SNIP1: variants seen among roughly 807,000 people sequenced by gnomAD.
SNIP1 encodes the protein Smad nuclear interacting protein 1, also known as smad nuclear-interacting protein 1.
A neutral mutation model predicts 37.4 loss-of-function variants in SNIP1; 23 were observed. The observed-to-expected ratio is 0.61, with a 90% confidence interval of 0.44 to 0.87. The LOEUF (loss-of-function observed/expected upper bound fraction) is 0.87, where lower values mean the gene tolerates loss of function less well. Among genes scored for constraint, SNIP1 ranks in the 40% least tolerant of loss-of-function variants. The pLI is 0.00. For missense variants in SNIP1, 459 were observed against 540.4 expected (o/e 0.85, Z 1.49); for synonymous variants, 174 against 200.0 (o/e 0.87, Z 1.10).
rs1193690442 is a variant in SNIP1, at chr1:37,537,094, A to G, written c.*654T>C. 4 of 152,500 alleles carry G rather than the reference A, an allele frequency of 2.6e-5. No homozygotes were observed. The highest frequency in any genetic ancestry group is 5.9e-5 in the Non-Finnish European group (4 of 68,044). The allele number at this position is 152,500 out of a possible 1,614,324, so 9.4% of individuals were successfully genotyped here. A position where few individuals can be genotyped will look rare whatever the true frequency, so the allele number is the denominator to read the frequency against. On this transcript the variant is annotated 3_prime_UTR_variant, in exon 4 of 4. Transcript: ENST00000296215. ...GCTGAATCAGCACCCACTGGTAGCA[A>G]CCAGGATCCTTCTGTACAGTCACGG...
rs1643119197 is a variant in SNIP1 at position 37,537,940 on chromosome 1, T to C, written c.999A>G (p.Ser333=). ...TGTTGTTTAAGAAGGTTCCATTGCC[T>C]GAGCCAAGGTCAATGATGTAGGGCT... is the stretch of plus-strand genomic sequence containing the variant. ...RVKPYIIDLG[S]GNGTFLNNKR... is the part of the protein sequence containing the mutation. The change falls in exon 4 of 4, where the codon TCA becomes TCG. Residue 333 remains serine, a synonymous_variant. Transcript: ENST00000296215. The C allele has an allele frequency of 1.2e-6, 2 of 1,614,116 alleles. No homozygotes were observed. The highest frequency in any genetic ancestry group is 1.7e-6 in the Non-Finnish European group (2 of 1,180,044).
At position 37,537,680 on chromosome 1, in the gene SNIP1, T is replaced by G. The variant is rs1643115058; in HGVS notation, c.*68A>C. On this transcript the variant is annotated 3_prime_UTR_variant, in exon 4 of 4. Coordinates refer to ENST00000296215, the MANE Select transcript of SNIP1 (RefSeq NM_024700.4). ...CATAGTGCTGGACCCACCACCATAG[T>G]GCTCTCTGAGTCAATCAAAGACTTC... The G allele has an allele frequency of 7.1e-6, 11 of 1,538,804 alleles. No homozygotes were observed. The highest frequency in any genetic ancestry group is 9.7e-6 in the Non-Finnish European group (11 of 1,132,844).
rs781551605 is a variant in SNIP1, at chr1:37,540,111, T to C, written c.926+46A>G. The C allele has an allele frequency of 6.8e-7, 1 of 1,479,134 alleles. No homozygotes were observed. Among genetic ancestry groups the C allele is most frequent in the Non-Finnish European group, 9.1e-7 (1 of 1,094,116 alleles). The allele number at this position is 1,479,134 out of a possible 1,614,324, so 91.6% of individuals were successfully genotyped here. A position where few individuals can be genotyped will look rare whatever the true frequency, so the allele number is the denominator to read the frequency against. ...AAAAATCTTAGTAATCCTAACTGAG[T>C]GATTGTTTCTGCTCACATTACAGTT... On this transcript the variant is annotated intron_variant, in intron 3 of 3. Transcript: ENST00000296215. The surrounding 1 kb of genome is among the most constrained non-coding windows in gnomAD (Gnocchi z 5.6).
chr1:37,549,738 T>C (rs951625322), intron 2 of SNIP1, among the ~76,000 whole-genome samples: 2 of 152,150 alleles, frequency 1.3e-5, no homozygotes, highest in Admixed American at 6.5e-5. Context: ...AGAGGCAAGA[T>C]TGTTCTAAAA....
rs771698007 is a variant in SNIP1, at chr1:37,540,313, T to G, written c.770A>C (p.Lys257Thr). 1 of 1,614,104 alleles carries G rather than the reference T, an allele frequency of 6.2e-7. No homozygotes were observed. Among genetic ancestry groups the G allele is most frequent in the Non-Finnish European group, 8.5e-7 (1 of 1,180,032 alleles). The part of the protein sequence containing the change: ...SEPPEARIPK[K>T]RWRLYPFKND... ...TTTAAATGGGTAGAGACGCCACCGT[T>G]TTTTGGGGATACGTGCTTCTGGGGG... is the stretch of plus-strand genomic sequence containing the variant. Residue 257 changes from lysine to threonine, a missense_variant, in exon 3 of 4, where the codon AAA (lysine) becomes ACA (threonine). Coordinates refer to ENST00000296215, the MANE Select transcript of SNIP1 (RefSeq NM_024700.4). This position sits in a 1 kb window ranked among gnomAD's most constrained non-coding sequence, Gnocchi z 5.6.
At chr1:37,538,062 T>C in intron 3 of SNIP1, 50 bp from the exon 4 acceptor site, 3 of 1,535,368 alleles carry the variant, frequency 2.0e-6, no homozygotes, top group Non-Finnish European at 2.6e-6. Context: ...CCTCAGATCA[T>C]CCAGCTTCTC....
chr1:37,553,079 C>A (rs1303312979), intron 1 of SNIP1, among the ~76,000 whole-genome samples: 1 of 152,192 alleles, frequency 6.6e-6, no homozygotes, highest in African/African-American at 2.4e-5. Flanking sequence ...TCCTTCACTA[C>A]CAACACCCCT....
chr1:37,545,035 G>A (rs755062858), intron 2 of SNIP1: 1 of 758,192 alleles, frequency 1.3e-6, no homozygotes, highest in Non-Finnish European at 2.4e-6. Context: ...ATGACTGGGA[G>A]AGCAGGCTGA....
chr1:37,543,826 T>C (rs562955897), intron 2 of SNIP1, among the ~76,000 whole-genome samples: 1 of 151,346 alleles, frequency 6.6e-6, no homozygotes, highest in African/African-American at 2.4e-5. Flanking sequence ...AACAAGCCAC[T>C]GAGCATGAGA....
chr1:37,554,270 G>C lies in SNIP1; in HGVS notation c.-41C>G, dbSNP rs767475306. On this transcript the variant is annotated 5_prime_UTR_variant, in exon 1 of 4. Coordinates refer to ENST00000296215, the MANE Select transcript of SNIP1 (RefSeq NM_024700.4). ...GGGCGAAAGAAAACAGATCAGTTGA[G>C]CTCCTCTAGCTGGAGGAAATGACGA... The C allele has an allele frequency of 9.1e-6, 14 of 1,531,814 alleles. No individual in the cohort carries two copies. The East Asian group carries it at 3.0e-4, about 32-fold the overall frequency. The allele number at this position is 1,531,814 out of a possible 1,614,324, so 94.9% of individuals were successfully genotyped here.
Position 37,552,660 on chromosome 1 carries a change from T to C in SNIP1, c.312A>G (p.Thr104=). ...ATCCACTTACCTGCTTCACTTTGAC[T>C]GTTGAGTGGTGAGGACTTCGGTTTC... The part of the protein sequence containing the change: ...SKRNRSPHHS[T]VKVKQEREDH... The change falls in exon 2 of 4, where the codon ACA becomes ACG. Residue 104 remains threonine, a synonymous_variant. Coordinates refer to ENST00000296215, the MANE Select transcript of SNIP1 (RefSeq NM_024700.4). 6.2e-7 allele frequency: 1 copy of C among 1,614,142 alleles called. No individual in the cohort carries two copies. Among genetic ancestry groups the C allele is most frequent in the Non-Finnish European group, 8.5e-7 (1 of 1,179,956 alleles).
At position 37,553,468 on chromosome 1, in the gene SNIP1, T is replaced by TC. The variant is rs1431555596; in HGVS notation, c.224+537dup. ...ATAGCCAATTTGGCATCGGTGAAGATCATCTAACTGAATCACCCTTGCAGC... is the reference window on the plus strand; with the variant it reads ...ATAGCCAATTTGGCATCGGTGAAGATCCATCTAACTGAATCACCCTTGCAGC... On this transcript the variant is annotated intron_variant, in intron 1 of 3. Transcript: ENST00000296215. Among the ~76,000 whole-genome samples the TC allele has an allele frequency of 3.3e-5, 5 of 152,342 alleles. No homozygotes were observed. The East Asian group carries it at 9.6e-4, about 29-fold the overall frequency.
At chr1:37,543,358 C>G (rs754356202) in intron 2 of SNIP1, among the ~76,000 whole-genome samples, 5 of 151,606 alleles carry the variant, frequency 3.3e-5, no homozygotes, top group Non-Finnish European at 5.9e-5. Context: ...CTAGCAGAAA[C>G]GCACAAAGAC....
chr1:37,548,232 A>G (rs1174985071), intron 2 of SNIP1, among the ~76,000 whole-genome samples: 2 of 151,454 alleles, frequency 1.3e-5, no homozygotes, highest in African/African-American at 2.4e-5. Context: ...CCTTCTGTAT[A>G]CTTTAAATCA....
Position 37,537,871 on chromosome 1 carries a change from A to T in SNIP1, c.1068T>A (p.Asp356Glu). Reference protein sequence around the residue: ...PQRYYELKEKDVLKFGFSSRE... With the variant: ...PQRYYELKEKEVLKFGFSSRE... ...TGCTACTGAATCCAAATTTGAGTACATCCTTTTCTTTTAGTTCATAGTATC... is the reference window on the plus strand; with the variant it reads ...TGCTACTGAATCCAAATTTGAGTACTTCCTTTTCTTTTAGTTCATAGTATC... Residue 356 changes from aspartate (D) to glutamate (E), a missense_variant, in exon 4 of 4, where the codon GAT becomes GAA. Transcript: ENST00000296215. 1 of 1,614,160 alleles carries T rather than the reference A, an allele frequency of 6.2e-7. No individual in the cohort carries two copies. Among genetic ancestry groups the T allele is most frequent in the Non-Finnish European group, 8.5e-7 (1 of 1,180,032 alleles).
chr1:37,552,794 C>A, intron 1 of SNIP1, 47 bp from the exon 2 acceptor site: 1 of 1,517,880 alleles, frequency 6.6e-7, no homozygotes, highest in South Asian at 1.1e-5. Flanking sequence ...TTCCCTTCCC[C>A]CATAAAAATT....
rs780151606 is a variant in SNIP1, at chr1:37,540,108, G to A, written c.926+49C>T. 3.4e-6 allele frequency: 5 copies of A among 1,470,596 alleles called. No individual in the cohort carries two copies. In the South Asian group the frequency reaches 5.3e-5, roughly 16 times the overall value. The allele number at this position is 1,470,596 out of a possible 1,614,324, so 91.1% of individuals were successfully genotyped here. A position where few individuals can be genotyped will look rare whatever the true frequency, so the allele number is the denominator to read the frequency against. ...AACAAAAATCTTAGTAATCCTAACT[G>A]AGTGATTGTTTCTGCTCACATTACA... is the stretch of plus-strand genomic sequence containing the variant. On this transcript the variant is annotated intron_variant, in intron 3 of 3. Coordinates refer to ENST00000296215, the MANE Select transcript of SNIP1 (RefSeq NM_024700.4). The surrounding 1 kb of genome is among the most constrained non-coding windows in gnomAD (Gnocchi z 5.6).
chr1:37,538,222 G>A (rs1032135759), intron 3 of SNIP1, among the ~76,000 whole-genome samples: 1 of 152,126 alleles, frequency 6.6e-6, no homozygotes, highest in African/African-American at 2.4e-5. Context: ...GAAAAGGTGA[G>A]AATGGACCGG....
Position 37,540,398 on chromosome 1 carries a change from A to T in SNIP1, c.685T>A (p.Ser229Thr), listed in dbSNP as rs753184226. The T allele has an allele frequency of 6.2e-7, 1 of 1,614,100 alleles. No homozygotes were observed. The highest frequency in any genetic ancestry group is 1.1e-5 in the South Asian group (1 of 91,072). Reference protein sequence around the residue: ...PAKEKPSFELSGALLEDTNTF... With the variant: ...PAKEKPSFELTGALLEDTNTF... ...TTGGTGTCCTCAAGAAGTGCCCCAGAAAGTTCAAAGCTTGGTTTTTCTTTA... is the reference window on the plus strand; with the variant it reads ...TTGGTGTCCTCAAGAAGTGCCCCAGTAAGTTCAAAGCTTGGTTTTTCTTTA... Residue 229 changes from serine (S) to threonine (T), a missense_variant, in exon 3 of 4, where the codon TCT (serine) becomes ACT (threonine). Ser to Thr is a moderately conservative substitution (Grantham distance 58). Coordinates refer to ENST00000296215, the MANE Select transcript of SNIP1 (RefSeq NM_024700.4). The surrounding 1 kb of genome is among the most constrained non-coding windows in gnomAD (Gnocchi z 5.6).
Sources: gnomAD v4.1 joint callset for allele counts (sites outside exome capture counted in the v4.1 genomes callset) on GRCh38, gnomAD v4.1.1 for gene constraint, Gnocchi (gnomAD v3.1) non-coding constraint, MANE v1.5 for transcripts, NCBI Gene and HGNC (gene_info 2026-07-23, HGNC 2026-07-21) for gene names.